TBL1XR1: variants seen among roughly 807,000 people sequenced by gnomAD.
TBL1XR1 encodes the protein F-box-like/WD repeat-containing protein TBL1XR1.
Under a neutral mutation model 66.9 loss-of-function variants are expected in TBL1XR1, and 5 were observed. The observed-to-expected ratio is 0.07, with a 90% CI of 0.04 to 0.16. TBL1XR1 has a LOEUF of 0.16. TBL1XR1 is among the 10% of genes least tolerant of loss of function. TBL1XR1 has a pLI of 1.00. For synonymous variants in TBL1XR1, 210 were observed against 206.0 expected, an observed-to-expected ratio of 1.02 and a Z score of -0.17; for missense variants, 238 against 623.2, an observed-to-expected ratio of 0.38 and a Z score of 6.58.
At chr3:177,181,753 C>G (rs1364261723) in intron 1 of TBL1XR1, among the ~76,000 whole-genome samples, 2 of 148,748 alleles carry the variant, frequency 1.3e-5, no homozygotes, top group African/African-American at 5.0e-5. Flanking sequence ...TATGCAAGAC[C>G]ATGAATCAGA....
intron 1 of TBL1XR1, among the ~76,000 whole-genome samples, chr3:177,108,885 A>G (rs1442533278): frequency 6.6e-6 from 1 of 152,162 alleles, no homozygotes; most frequent in Non-Finnish European, 1.5e-5. Context: ...CACTGGCCAT[A>G]AGTTGTGGCA....
At chr3:177,052,653 C>CA (rs1205152919) in intron 4 of TBL1XR1, among the ~76,000 whole-genome samples, 4 of 152,132 alleles carry the variant, frequency 2.6e-5, no homozygotes, top group Non-Finnish European at 5.9e-5. Context: ...GCTGAGGAAA[C>CA]AAACAAATCC....
chr3:177,185,631 G>A (rs1469331517), intron 1 of TBL1XR1, among the ~76,000 whole-genome samples: 1 of 151,028 alleles, frequency 6.6e-6, no homozygotes, highest in African/African-American at 2.4e-5. Context: ...AGTATTTTCT[G>A]ACCCTTTGTC....
intron 1 of TBL1XR1, among the ~76,000 whole-genome samples, chr3:177,127,520 A>G (rs1413429402): frequency 6.6e-6 from 1 of 152,210 alleles, no homozygotes; most frequent in Non-Finnish European, 1.5e-5. Context: ...GTTACTTGCT[A>G]TCTTGTATAC....
At chr3:177,089,790 A>G (rs911869185) in intron 2 of TBL1XR1, among the ~76,000 whole-genome samples, 4 of 152,256 alleles carry the variant, frequency 2.6e-5, no homozygotes, top group African/African-American at 9.6e-5. Context: ...TTTCTGGAAA[A>G]TAAGAATCTA....
At chr3:177,131,944 A>G (rs1728350111) in intron 1 of TBL1XR1, among the ~76,000 whole-genome samples, 1 of 150,404 alleles carries the variant, frequency 6.6e-6, no homozygotes, top group Non-Finnish European at 1.5e-5. Context: ...AAGCACTCTG[A>G]TTGTTAACCC....
At position 177,021,456 on chromosome 3, in the gene TBL1XR1, C is replaced by T. The variant is rs767210016; in HGVS notation, c.*4042G>A. On this transcript the variant is annotated 3_prime_UTR_variant, in exon 16 of 16. Coordinates refer to ENST00000457928, the MANE Select transcript of TBL1XR1 (RefSeq NM_024665.7). ...GCAGAAATAAAGCAAGCTATCAATA[C>T]CTCAGAACTACTGATATAAGACATC... 5.3e-5 allele frequency: 8 copies of T among 152,326 alleles called. No homozygotes were observed. Among genetic ancestry groups the T allele is most frequent in the Non-Finnish European group, 1.0e-4 (7 of 67,940 alleles). 9.4% of individuals were successfully genotyped at this position (152,326 alleles called of 1,614,324 possible).
intron 2 of TBL1XR1, chr3:177,091,256 T>C (rs1415598347): frequency 6.6e-6 from 1 of 152,092 alleles, no homozygotes; most frequent in African/African-American, 2.4e-5. Context: ...TTTATAAATA[T>C]AAAAATACGT....
At chr3:177,157,976 C>T (rs1023262934) in intron 1 of TBL1XR1, among the ~76,000 whole-genome samples, 10 of 151,996 alleles carry the variant, frequency 6.6e-5, no homozygotes. Context: ...ATACTATCCT[C>T]GTTAAGTGTT....
At chr3:177,089,030 C>A (rs532708137) in intron 2 of TBL1XR1, among the ~76,000 whole-genome samples, 1 of 152,124 alleles carries the variant, frequency 6.6e-6, no homozygotes, top group Non-Finnish European at 1.5e-5. Context: ...TTCTCGGCAG[C>A]GACCTGTTGG....
intron 1 of TBL1XR1, among the ~76,000 whole-genome samples, chr3:177,154,048 C>T (rs1011750935): frequency 1.3e-5 from 2 of 151,688 alleles, no homozygotes; most frequent in South Asian, 2.1e-4. Context: ...GGTATAAATT[C>T]AACCACATTA....
intron 1 of TBL1XR1, among the ~76,000 whole-genome samples, chr3:177,130,649 T>C (rs1728189724): frequency 6.6e-6 from 1 of 152,206 alleles, no homozygotes; most frequent in Admixed American, 6.5e-5. Context: ...TACACTTTTG[T>C]ACTTTTTAAA....
intron 1 of TBL1XR1, among the ~76,000 whole-genome samples, chr3:177,165,862 C>G (rs990085295): frequency 3.9e-5 from 6 of 152,152 alleles, no homozygotes; most frequent in African/African-American, 1.4e-4. Flanking sequence ...CTTTGGGAGG[C>G]TGAGTAAGAT....
chr3:177,156,864 A>C (rs928250004), intron 1 of TBL1XR1, among the ~76,000 whole-genome samples: 2 of 152,212 alleles, frequency 1.3e-5, no homozygotes, highest in African/African-American at 4.8e-5. Context: ...CAACAAAATG[A>C]CAATTCAAGG....
intron 1 of TBL1XR1, among the ~76,000 whole-genome samples, chr3:177,099,236 G>A (rs971860440): frequency 8.6e-5 from 13 of 151,958 alleles, no homozygotes; most frequent in Admixed American, 2.0e-4. Context: ...GCGTGGTGGC[G>A]GGCACCTGTA....
chr3:177,197,618 CCGGGCGGGCGGGCGAG>C (rs1313257973), upstream of TBL1XR1, among the ~76,000 whole-genome samples: 28 of 130,764 alleles, frequency 2.1e-4, no homozygotes, highest in South Asian at 4.8e-4. Context: ...GCGGCCTGCG[CCGGGCGGGCGGGCGAG>C]CGGGCGGGCG....
intron 1 of TBL1XR1, among the ~76,000 whole-genome samples, chr3:177,107,955 C>A (rs1232509253): frequency 6.6e-6 from 1 of 151,546 alleles, no homozygotes; most frequent in Non-Finnish European, 1.5e-5. Flanking sequence ...TGCTATTATA[C>A]AGCAAAGTAG....
chr3:177,140,121 T>A (rs1247611536), intron 1 of TBL1XR1, among the ~76,000 whole-genome samples: 4 of 152,056 alleles, frequency 2.6e-5, no homozygotes, highest in African/African-American at 9.7e-5. Context: ...GCCAATATGA[T>A]GAAACCACGT....
In TBL1XR1 at chr3:177,019,683, A is replaced by T. The variant is rs1373926192; in HGVS notation, c.*5815T>A. 6.6e-6 allele frequency: 1 copy of T among 152,154 alleles called. No homozygotes were observed. The highest frequency in any genetic ancestry group is 1.5e-5 in the Non-Finnish European group (1 of 68,012). 9.4% of individuals were successfully genotyped at this position (152,154 alleles called of 1,614,324 possible). ...TAGGTAATAAATCTAATCCATTGTA[A>T]AGTGTTAACTATGAAATTAAAAATA... On this transcript the variant is annotated 3_prime_UTR_variant, in exon 16 of 16. Coordinates refer to ENST00000457928, the MANE Select transcript of TBL1XR1 (RefSeq NM_024665.7).
Sources: gnomAD v4.1 joint callset for allele counts (sites outside exome capture counted in the v4.1 genomes callset) on GRCh38, gnomAD v4.1.1 for gene constraint, MANE v1.5 for transcripts, NCBI Gene and HGNC (gene_info 2026-07-23, HGNC 2026-07-21) for gene names.